Variants in FRMPD4 observed in about 807,000 individuals in gnomAD.
FRMPD4 encodes the protein FERM and PDZ domain-containing protein 4.
Under a neutral mutation model 94.1 loss-of-function variants are expected in FRMPD4, and 22 were observed. The ratio of observed to expected loss-of-function variants is 0.23; its 90% CI spans 0.17 to 0.33. FRMPD4 has a LOEUF of 0.33. FRMPD4 is among the 10% of genes least tolerant of loss of function. FRMPD4 has a pLI of 1.00. For missense variants in FRMPD4, 1,111 were observed against 1,339.9 expected (o/e 0.83, Z 2.67); for synonymous variants, 631 against 548.6 (o/e 1.15, Z -2.10).
chrX:12,446,591 GTGGTAGTGAAT>G (rs1257467312), intron 1 of FRMPD4, among the ~76,000 whole-genome samples: 2 of 45,203 alleles, frequency 4.4e-5, no homozygotes, highest in Non-Finnish European at 1.3e-4. Flanking sequence ...CACTTCTCTT[GTGGTAGTGAAT>G]AAGTCTCATG....
At chrX:12,689,703 T>A (rs2060062368) in intron 7 of FRMPD4, among the ~76,000 whole-genome samples, 3 of 112,698 alleles carry the variant, frequency 2.7e-5, no homozygotes, top group African/African-American at 6.4e-5. Flanking sequence ...AGCCATAGAT[T>A]TTAGATAAAC....
At chrX:12,138,200 G>C (rs980854667), upstream of FRMPD4, among the ~76,000 whole-genome samples, 18 of 112,291 alleles carry the variant, frequency 1.6e-4, no homozygotes, top group Admixed American at 1.4e-3. Flanking sequence ...CTTGACAAAC[G>C]ACCCAACCTC....
intron 1 of FRMPD4, among the ~76,000 whole-genome samples, chrX:12,361,492 C>T (rs1295631030): frequency 8.9e-6 from 1 of 112,070 alleles, no homozygotes; most frequent in African/African-American, 3.2e-5. Flanking sequence ...AGCCACTGGG[C>T]TTTGCTGGGA....
intron 1 of FRMPD4, among the ~76,000 whole-genome samples, chrX:12,166,795 C>G (rs2056127429): frequency 1.8e-5 from 2 of 111,547 alleles, no homozygotes; most frequent in South Asian, 3.7e-4. Context: ...TGTATGTGTC[C>G]AGGAATTTAT....
At chrX:12,228,053 C>A (rs776188239) in intron 1 of FRMPD4, among the ~76,000 whole-genome samples, 7 of 112,341 alleles carry the variant, frequency 6.2e-5, no homozygotes, top group Non-Finnish European at 1.3e-4. Context: ...CTGTGATTAT[C>A]AATTACCCAT....
At chrX:12,071,116 GA>G (rs944776486) in intron 3 of FRMPD4, among the ~76,000 whole-genome samples, 1 of 111,510 alleles carries the variant, frequency 9.0e-6, no homozygotes, top group Non-Finnish European at 1.9e-5. Context: ...ATGGGTCTCT[GA>G]GTATTGATCA....
intron 4 of FRMPD4, among the ~76,000 whole-genome samples, chrX:12,648,872 T>C (rs1379327283): frequency 1.8e-5 from 2 of 112,450 alleles, no homozygotes; most frequent in Non-Finnish European, 3.8e-5. Context: ...AACAAGATGC[T>C]TACTCGCATT....
At chrX:12,437,168 A>C (rs1362839059) in intron 1 of FRMPD4, among the ~76,000 whole-genome samples, 1 of 111,132 alleles carries the variant, frequency 9.0e-6, no homozygotes, top group Non-Finnish European at 1.9e-5. Flanking sequence ...TCTTATTAAC[A>C]AGCTTGCTAT....
chrX:12,019,167 A>ATT (rs201291254), intron 3 of FRMPD4, among the ~76,000 whole-genome samples: 3 of 100,655 alleles, frequency 3.0e-5, no homozygotes, highest in Non-Finnish European at 4.1e-5. Flanking sequence ...TTGTTTAGAG[A>ATT]TTTTTTTTTT....
intron 1 of FRMPD4, among the ~76,000 whole-genome samples, chrX:12,251,356 T>C (rs1033397388): frequency 9.8e-5 from 11 of 112,247 alleles, no homozygotes; most frequent in African/African-American, 3.6e-4. Flanking sequence ...GAACCTACTT[T>C]GAACCCACTT....
At chrX:12,134,710 GGC>G (rs1488613735), upstream of FRMPD4, among the ~76,000 whole-genome samples, 1 of 112,253 alleles carries the variant, frequency 8.9e-6, no homozygotes, top group Non-Finnish European at 1.9e-5. Context: ...TAACTGCCCA[GGC>G]AACAAAGTGT....
At chrX:12,546,263 C>G (rs1045973193) in intron 2 of FRMPD4, among the ~76,000 whole-genome samples, 1 of 109,581 alleles carries the variant, frequency 9.1e-6, no homozygotes, top group Non-Finnish European at 1.9e-5. Flanking sequence ...TCACTGCAAC[C>G]TCCACCTCCA....
chrX:12,185,642 CTG>C (rs2056415855), intron 1 of FRMPD4, among the ~76,000 whole-genome samples: 1 of 110,496 alleles, frequency 9.1e-6, no homozygotes, highest in Non-Finnish European at 1.9e-5. Context: ...AGGGAAAAAA[CTG>C]TTCATGGAGT....
chrX:12,130,719 T>C (rs764746827), intron 3 of FRMPD4, among the ~76,000 whole-genome samples: 1 of 110,826 alleles, frequency 9.0e-6, no homozygotes, highest in African/African-American at 3.3e-5. Context: ...GCTAGAGCAA[T>C]TTATCCATCA....
chrX:12,494,006 G>A (rs1381324864), intron 1 of FRMPD4, among the ~76,000 whole-genome samples: 1 of 111,717 alleles, frequency 9.0e-6, no homozygotes, highest in African/African-American at 3.3e-5. Context: ...GGCAAACCTG[G>A]TATTTGAACT....
intron 2 of FRMPD4, among the ~76,000 whole-genome samples, chrX:12,565,400 T>A (rs1224972689): frequency 9.0e-6 from 1 of 111,499 alleles, no homozygotes; most frequent in African/African-American, 3.3e-5. Context: ...GGGATCAAAG[T>A]CAACATCACC....
chrX:12,312,049 C>G (rs1014790618), intron 1 of FRMPD4, among the ~76,000 whole-genome samples: 2 of 110,247 alleles, frequency 1.8e-5, no homozygotes, highest in Non-Finnish European at 3.8e-5. Context: ...CTTTTACCCT[C>G]TCTTCTGTAT....
chrX:12,543,953 G>A (rs1160103257), intron 2 of FRMPD4, among the ~76,000 whole-genome samples: 2 of 110,076 alleles, frequency 1.8e-5, no homozygotes, highest in African/African-American at 6.6e-5. Flanking sequence ...GGATGAAGCT[G>A]GAAACCATCA....
rs377221616 is a variant in FRMPD4, at chrX:12,627,190, C to T, written c.422+12309C>T. ...ACTCAGGAGGCTGAGGCAGGAGAAT[C>T]GCTTGAACCTGAGAGGTGGAGGTTT... On this transcript the variant is annotated intron_variant, in intron 4 of 16. Transcript: ENST00000675598. Among the ~76,000 whole-genome samples, 26 of 111,886 alleles carry T rather than the reference C, an allele frequency of 2.3e-4. No homozygotes were observed. In the East Asian group the frequency reaches 6.4e-3, roughly 28 times the overall value.
Sources: allele counts gnomAD v4.1 joint callset (sites outside exome capture counted in the v4.1 genomes callset), GRCh38; gene constraint gnomAD v4.1.1; transcripts MANE v1.5; gene names NCBI Gene and HGNC (gene_info 2026-07-23, HGNC 2026-07-21).